The following TSPAN9 variants were observed in gnomAD, a reference collection of about 807,000 sequenced individuals.
TSPAN9 encodes tetraspanin-9.
In TSPAN9, 16 loss-of-function variants were observed where a neutral mutation model predicts 31.0. That is an observed-to-expected ratio of 0.52 (90% CI 0.35 to 0.78). The LOEUF is 0.78. Among genes scored for constraint, TSPAN9 ranks in the 30% least tolerant of loss-of-function variants. The pLI, the probability that TSPAN9 is intolerant of heterozygous loss-of-function variation, is 0.01. For synonymous variants in TSPAN9, 145 were observed against 121.6 expected (o/e 1.19, Z -1.27); for missense variants, 272 against 312.5 (o/e 0.87, Z 0.98).
rs181787510 is a variant in TSPAN9 at position 3,184,944 on chromosome 12, A to G, written c.-17-16233A>G. ...GCAATGGCAGACTTCCTCCCTGGCC[A>G]GCAGGGAGGCATCCTTGCTTTGTTA... is the stretch of plus-strand genomic sequence containing the variant. On this transcript the variant is annotated intron_variant, in intron 2 of 8. Coordinates refer to ENST00000011898, the MANE Select transcript of TSPAN9 (RefSeq NM_006675.5). 3.2e-3 allele frequency among the ~76,000 whole-genome samples: 489 copies of G among 152,156 alleles called. 1 individual carries two copies. The highest frequency in any genetic ancestry group is 0.011 in the African/African-American group (462 of 41,570).
chr12:3,186,540 GTTTGT>G (rs2098361420), intron 2 of TSPAN9, among the ~76,000 whole-genome samples: 2 of 50,278 alleles, frequency 4.0e-5, no homozygotes, highest in Non-Finnish European at 4.1e-5. Context: ...TGGGCCAGGA[GTTTGT>G]TTGTGTGTGT....
At chr12:3,122,160 C>T (rs1339703161) in intron 2 of TSPAN9, among the ~76,000 whole-genome samples, 2 of 152,008 alleles carry the variant, frequency 1.3e-5, no homozygotes, top group East Asian at 2.0e-4. Flanking sequence ...ACAGTGAAAC[C>T]CCATTTCTAC....
At chr12:3,230,571 G>A (rs758150469) in intron 3 of TSPAN9, among the ~76,000 whole-genome samples, 5 of 152,134 alleles carry the variant, frequency 3.3e-5, no homozygotes, top group Non-Finnish European at 7.4e-5. Flanking sequence ...AGGTGCCCAC[G>A]GAGCGCTCTT....
intron 3 of TSPAN9, among the ~76,000 whole-genome samples, chr12:3,226,623 A>G (rs898543527): frequency 2.2e-4 from 32 of 144,374 alleles, no homozygotes; most frequent in Non-Finnish European, 3.8e-4. Flanking sequence ...ACATAACAAG[A>G]CCCCATCTCT....
chr12:3,214,538 C>A (rs1033961285), intron 3 of TSPAN9, among the ~76,000 whole-genome samples: 1 of 152,172 alleles, frequency 6.6e-6, no homozygotes, highest in Non-Finnish European at 1.5e-5. Flanking sequence ...CAGTTCCTTG[C>A]TTAGTGGTGG....
chr12:3,256,851 A>G (rs1424082614), intron 3 of TSPAN9, among the ~76,000 whole-genome samples: 1 of 152,174 alleles, frequency 6.6e-6, no homozygotes, highest in Non-Finnish European at 1.5e-5. Context: ...CCATATGGCC[A>G]TCTCTCTGAC....
chr12:3,256,475 C>A (rs953928546), intron 3 of TSPAN9, among the ~76,000 whole-genome samples: 2 of 152,230 alleles, frequency 1.3e-5, no homozygotes, highest in Admixed American at 1.3e-4. Context: ...TGGTTCCCCC[C>A]AGAAGGCGAG....
chr12:3,284,147 T>C lies in TSPAN9; in HGVS notation c.*1031T>C, dbSNP rs1481837401. On this transcript the variant is annotated 3_prime_UTR_variant, in exon 9 of 9. Coordinates refer to ENST00000011898, the MANE Select transcript of TSPAN9 (RefSeq NM_006675.5). ...ACGCGAGGCTTCCCCTTCCACCCCA[T>C]GTGGGTATTCCCACAACAGGTTCTG... 2 of 152,730 alleles carry C rather than the reference T, an allele frequency of 1.3e-5. No individual in the cohort carries two copies. Among genetic ancestry groups the C allele is most frequent in the Non-Finnish European group, 2.9e-5 (2 of 68,080 alleles). The allele number at this position is 152,730 out of a possible 1,614,324, so 9.5% of individuals were successfully genotyped here. A position where few individuals can be genotyped will look rare whatever the true frequency, so the allele number is the denominator to read the frequency against.
intron 3 of TSPAN9, among the ~76,000 whole-genome samples, chr12:3,208,306 G>T (rs1398450084): frequency 6.6e-6 from 1 of 152,162 alleles, no homozygotes; most frequent in Non-Finnish European, 1.5e-5. Context: ...GGGAGAATGG[G>T]GGCAGCTGGG....
intron 2 of TSPAN9, among the ~76,000 whole-genome samples, chr12:3,093,733 T>C (rs73247329): frequency 0.045 from 6,918 of 152,298 alleles, 506 homozygotes; most frequent in African/African-American, 0.16. Context: ...GACCCCATCC[T>C]ACCTTAAAAT....
At chr12:3,102,435 A>ATTTTT (rs33918863) in intron 2 of TSPAN9, among the ~76,000 whole-genome samples, 1 of 135,270 alleles carries the variant, frequency 7.4e-6, no homozygotes, top group African/African-American at 2.9e-5. Context: ...CCAAGGAGGA[A>ATTTTT]TTTTTTTTTT....
At chr12:3,118,549 C>G (rs1470610898) in intron 2 of TSPAN9, among the ~76,000 whole-genome samples, 1 of 152,006 alleles carries the variant, frequency 6.6e-6, no homozygotes, top group Non-Finnish European at 1.5e-5. Context: ...GCATGAGCCA[C>G]CGCTCCTGGC....
intron 2 of TSPAN9, among the ~76,000 whole-genome samples, chr12:3,129,031 G>A (rs1565585686): frequency 6.6e-6 from 1 of 152,038 alleles, no homozygotes; most frequent in East Asian, 1.9e-4. Flanking sequence ...TGAACCTTTC[G>A]TGACTGGCTT....
chr12:3,082,060 T>C (rs2098298213), intron 1 of TSPAN9, among the ~76,000 whole-genome samples: 1 of 152,020 alleles, frequency 6.6e-6, no homozygotes, highest in South Asian at 2.1e-4. Context: ...AACGTCCTTA[T>C]CTTCATGGGG....
intron 2 of TSPAN9, among the ~76,000 whole-genome samples, chr12:3,135,423 A>G (rs1419165568): frequency 6.6e-6 from 1 of 151,814 alleles, no homozygotes; most frequent in African/African-American, 2.4e-5. Flanking sequence ...TATGAGGCAC[A>G]CTCCTTCCTT....
intron 2 of TSPAN9, among the ~76,000 whole-genome samples, chr12:3,093,458 G>A (rs2098305984): frequency 6.6e-6 from 1 of 152,208 alleles, no homozygotes; most frequent in African/African-American, 2.4e-5. Flanking sequence ...CCTCAGGTCT[G>A]TGGGGAGGGC....
chr12:3,236,926 G>A (rs1480209680), intron 3 of TSPAN9, among the ~76,000 whole-genome samples: 1 of 152,216 alleles, frequency 6.6e-6, no homozygotes, highest in Admixed American at 6.5e-5. Flanking sequence ...TCATACAGAT[G>A]TGGCCCTGCC....
intron 3 of TSPAN9, among the ~76,000 whole-genome samples, chr12:3,248,577 G>A (rs1051392304): frequency 6.6e-6 from 1 of 151,664 alleles, no homozygotes; most frequent in Non-Finnish European, 1.5e-5. Flanking sequence ...GTAGTTTACA[G>A]AGCATTTTTA....
rs552439135 is a variant in TSPAN9 at position 3,187,944 on chromosome 12, G to C, written c.-17-13233G>C. Among the ~76,000 whole-genome samples the C allele has an allele frequency of 1.3e-5, 2 of 152,164 alleles. No individual in the cohort carries two copies. The highest frequency in any genetic ancestry group is 2.4e-5 in the African/African-American group (1 of 41,430). Reference sequence around the variant, plus strand: ...CTCTTTGCCCAGATGCAGATGGAGCGTTTGCTCTGTAATGCTAATTCTCCT... The same window carrying C: ...CTCTTTGCCCAGATGCAGATGGAGCCTTTGCTCTGTAATGCTAATTCTCCT... On this transcript the variant is annotated intron_variant, in intron 2 of 8. Coordinates refer to ENST00000011898, the MANE Select transcript of TSPAN9 (RefSeq NM_006675.5). The surrounding 1 kb of genome is among the most constrained non-coding windows in gnomAD (Gnocchi z 5.2).
Sources: allele counts gnomAD v4.1 joint callset (sites outside exome capture counted in the v4.1 genomes callset), GRCh38; gene constraint gnomAD v4.1.1; non-coding constraint Gnocchi (gnomAD v3.1); transcripts MANE v1.5; gene names NCBI Gene and HGNC (gene_info 2026-07-23, HGNC 2026-07-21).